Variants in DCDC1 observed in about 807,000 individuals in gnomAD.
DCDC1 encodes the protein doublecortin domain containing 1.
A neutral mutation model predicts 178.3 loss-of-function variants in DCDC1; 200 were observed. That is an observed-to-expected ratio of 1.12 (90% CI 1.00 to 1.26). The LOEUF is 1.26. DCDC1 is among the 50% of genes most tolerant of loss of function. DCDC1 has a pLI of 0.00. For missense variants in DCDC1, 1,983 were observed against 1,749.2 expected, an observed-to-expected ratio of 1.13 and a Z score of -2.38; for synonymous variants, 690 against 604.8, an observed-to-expected ratio of 1.14 and a Z score of -2.07.
intron 20 of DCDC1, among the ~76,000 whole-genome samples, chr11:30,970,264 A>C (rs1270834801): frequency 6.6e-6 from 1 of 152,146 alleles, no homozygotes; most frequent in Non-Finnish European, 1.5e-5. Context: ...AGAGAGAGAG[A>C]GCTCATGCTG....
At chr11:31,160,653 G>A (rs1477735391) in intron 9 of DCDC1, among the ~76,000 whole-genome samples, 2 of 152,136 alleles carry the variant, frequency 1.3e-5, no homozygotes, top group Non-Finnish European at 2.9e-5. Flanking sequence ...TAGGATGTTA[G>A]TACCTGATTC....
intron 8 of DCDC1, among the ~76,000 whole-genome samples, chr11:31,253,870 T>C (rs988470092): frequency 2.6e-5 from 4 of 152,290 alleles, no homozygotes; most frequent in African/African-American, 9.6e-5. Context: ...AAAGTACACT[T>C]CCCACCTTAT....
chr11:31,074,380 A>G (rs1051786320), intron 18 of DCDC1, among the ~76,000 whole-genome samples: 1 of 152,148 alleles, frequency 6.6e-6, no homozygotes, highest in Non-Finnish European at 1.5e-5. Context: ...TTAATTGCCA[A>G]TGTGATAGTA....
chr11:31,322,578 C>T (rs1407298469), intron 3 of DCDC1, among the ~76,000 whole-genome samples: 4 of 152,098 alleles, frequency 2.6e-5, no homozygotes, highest in Non-Finnish European at 1.5e-5. Flanking sequence ...GTTATTTGCC[C>T]TAATGAAAAA....
chr11:31,276,652 G>C (rs1383342566), intron 7 of DCDC1, among the ~76,000 whole-genome samples: 1 of 152,064 alleles, frequency 6.6e-6, no homozygotes, highest in Non-Finnish European at 1.5e-5. Flanking sequence ...GGCTAAATTT[G>C]TACCCATCTC....
intron 38 of DCDC1, among the ~76,000 whole-genome samples, chr11:30,875,075 T>C (rs141444293): frequency 6.6e-6 from 1 of 152,214 alleles, no homozygotes; most frequent in Non-Finnish European, 1.5e-5. Context: ...ACAGCCTTGA[T>C]AGTAGTTTCA....
chr11:31,011,427 G>C (rs944410714), intron 20 of DCDC1, among the ~76,000 whole-genome samples: 2 of 152,050 alleles, frequency 1.3e-5, no homozygotes, highest in African/African-American at 4.8e-5. Context: ...ATAAGAAAAA[G>C]ACAAGCAATA....
At chr11:31,218,414 T>C (rs1973845569) in intron 9 of DCDC1, among the ~76,000 whole-genome samples, 1 of 152,172 alleles carries the variant, frequency 6.6e-6, no homozygotes, top group Admixed American at 6.6e-5. Flanking sequence ...ATGTTTCCAA[T>C]TTCAAGTCAC....
chr11:31,022,164 A>C (rs1301838265), intron 20 of DCDC1, among the ~76,000 whole-genome samples: 1 of 152,184 alleles, frequency 6.6e-6, no homozygotes, highest in African/African-American at 2.4e-5. Flanking sequence ...TAGGGCCTAC[A>C]AGTCCAAAAT....
intron 8 of DCDC1, chr11:31,263,111 A>G: frequency 6.2e-7 from 1 of 1,605,848 alleles, no homozygotes; most frequent in South Asian, 1.1e-5. Context: ...CATATTTGGG[A>G]GGAGAAAAAT....
intron 9 of DCDC1, among the ~76,000 whole-genome samples, chr11:31,193,843 T>C (rs914421396): frequency 2.6e-5 from 4 of 152,082 alleles, no homozygotes; most frequent in Admixed American, 2.6e-4. Flanking sequence ...TGGGTCAAAA[T>C]GTTTTGCCTA....
At chr11:31,053,063 T>C (rs543060228) in intron 20 of DCDC1, among the ~76,000 whole-genome samples, 1 of 152,060 alleles carries the variant, frequency 6.6e-6, no homozygotes, top group Admixed American at 6.5e-5. Flanking sequence ...TTTGAGAAGA[T>C]AAATAAAATT....
intron 9 of DCDC1, among the ~76,000 whole-genome samples, chr11:31,210,976 C>G (rs1461488657): frequency 5.9e-5 from 9 of 152,126 alleles, no homozygotes; most frequent in African/African-American, 1.9e-4. Flanking sequence ...CTTTTTCTAT[C>G]TAGGCAAGCA....
intron 34 of DCDC1, among the ~76,000 whole-genome samples, chr11:30,896,826 C>T (rs576543350): frequency 6.6e-6 from 1 of 152,300 alleles, no homozygotes; most frequent in South Asian, 2.1e-4. Flanking sequence ...AAAGTAATTA[C>T]TAGTATTATG....
At position 30,865,283 on chromosome 11, in the gene DCDC1, C is replaced by T. The variant is rs1272485029; in HGVS notation, c.*90G>A. ...GTCTTCAGCGATGGAAATAATTGGC[C>T]TTCTTGTCACAGTCTTCTGTTTATA... On this transcript the variant is annotated 3_prime_UTR_variant, in exon 39 of 39. Coordinates refer to ENST00000684477, the MANE Select transcript of DCDC1 (RefSeq NM_001387274.1). 2 of 152,048 alleles carry T rather than the reference C, an allele frequency of 1.3e-5. No homozygotes were observed. Among genetic ancestry groups the T allele is most frequent in the African/African-American group, 4.8e-5 (2 of 41,402 alleles). The allele number at this position is 152,048 out of a possible 1,614,324, so 9.4% of individuals were successfully genotyped here.
chr11:31,069,824 A>G lies in DCDC1; in HGVS notation c.2299-4671T>C, dbSNP rs148158055. 6.6e-5 allele frequency among the ~76,000 whole-genome samples: 10 copies of G among 152,314 alleles called. No individual in the cohort carries two copies. In the East Asian group the frequency reaches 1.9e-3, roughly 29 times the overall value. ...AAAGAAGATGTACATGGAATATGGG[A>G]AACTTCAATATATAATATATCCAGT... On this transcript the variant is annotated intron_variant, in intron 18 of 38. Coordinates refer to ENST00000684477, the MANE Select transcript of DCDC1 (RefSeq NM_001387274.1).
rs575235124 is a variant in DCDC1, at chr11:31,068,757, A to T, written c.2299-3604T>A. ...TTTTATACATGCAAATATATGCATA[A>T]TAATTTTTGGGAATATACAAAAAGC... On this transcript the variant is annotated intron_variant, in intron 18 of 38. Transcript: ENST00000684477. Among the ~76,000 whole-genome samples, 12 of 152,328 alleles carry T rather than the reference A, an allele frequency of 7.9e-5. No individual in the cohort carries two copies. The East Asian group carries it at 1.7e-3, about 22-fold the overall frequency.
chr11:31,313,628 T>C (rs926566596), intron 3 of DCDC1, among the ~76,000 whole-genome samples: 1 of 152,220 alleles, frequency 6.6e-6, no homozygotes, highest in African/African-American at 2.4e-5. Context: ...TAAAATTCAG[T>C]AAGTTGTATG....
chr11:31,089,563 C>T (rs1047750550), intron 17 of DCDC1, among the ~76,000 whole-genome samples: 5 of 151,420 alleles, frequency 3.3e-5, no homozygotes, highest in Admixed American at 3.3e-4. Context: ...TATAAATACT[C>T]AGAAATTGGG....
Sources: gnomAD v4.1 joint callset for allele counts (sites outside exome capture counted in the v4.1 genomes callset) on GRCh38, gnomAD v4.1.1 for gene constraint, MANE v1.5 for transcripts, NCBI Gene and HGNC (gene_info 2026-07-23, HGNC 2026-07-21) for gene names.